Variants in DNAJC6 observed in about 807,000 individuals in gnomAD.
DNAJC6 encodes the protein auxilin.
In DNAJC6, 34 loss-of-function variants were observed where a neutral mutation model predicts 110.0. That is an observed-to-expected ratio of 0.31 (90% CI 0.24 to 0.41). The LOEUF (loss-of-function observed/expected upper bound fraction) is 0.41, where lower values mean the gene tolerates loss of function less well. Ranked by LOEUF, DNAJC6 falls within the 10% of genes least tolerant of loss-of-function variation. DNAJC6 has a pLI of 1.00. For missense variants in DNAJC6, 1,031 were observed against 1,207.8 expected (o/e 0.85, Z 2.17); for synonymous variants, 406 against 437.2 (o/e 0.93, Z 0.89).
chr1:65,374,975 A>AT lies in DNAJC6; in HGVS notation c.544-4414dup, dbSNP rs57352713. Among the ~76,000 whole-genome samples the AT allele has an allele frequency of 1.9e-3, 269 of 143,210 alleles. 2 individuals are homozygous for AT. Among genetic ancestry groups the AT allele is most frequent in the Middle Eastern group, 3.6e-3 (1 of 278 alleles). The allele number at this position is 143,210 out of a possible 152,430, so 94.0% of individuals were successfully genotyped here. On this transcript the variant is annotated intron_variant, in intron 4 of 18. Transcript: ENST00000371069. ...TTCCTTCTGTATCTATTTTCTGAGG[A>AT]TTTTTTTTTTTTTGAGACGGAGTTT...
intron 2 of DNAJC6, among the ~76,000 whole-genome samples, chr1:65,365,013 C>T (rs538070721): frequency 1.4e-4 from 22 of 152,290 alleles, no homozygotes; most frequent in South Asian, 1.2e-3. Flanking sequence ...AATGGTTGCC[C>T]TCCCTGTCTT....
intron 1 of DNAJC6, among the ~76,000 whole-genome samples, chr1:65,327,954 A>C (rs935769357): frequency 6.6e-6 from 1 of 152,184 alleles, no homozygotes; most frequent in Non-Finnish European, 1.5e-5. Flanking sequence ...GGCACAAGCA[A>C]TTCTCCCACC....
intron 1 of DNAJC6, among the ~76,000 whole-genome samples, chr1:65,358,989 AC>A (rs1316738634): frequency 6.6e-6 from 1 of 152,068 alleles, no homozygotes; most frequent in Non-Finnish European, 1.5e-5. Flanking sequence ...CATTATGGAC[AC>A]TCCTTCTCCT....
intron 1 of DNAJC6, among the ~76,000 whole-genome samples, chr1:65,346,627 C>G (rs545924391): frequency 6.6e-6 from 1 of 152,090 alleles, no homozygotes; most frequent in African/African-American, 2.4e-5. Context: ...CCTGCCCCAC[C>G]CTTCCTCATC....
At chr1:65,398,988 T>C (rs1646005551) in intron 14 of DNAJC6, 107 bp downstream of exon 14, 9 of 1,139,982 alleles carry the variant, frequency 7.9e-6, no homozygotes, top group Non-Finnish European at 1.1e-5. Context: ...CTGTGTAATT[T>C]GTGTCACTTT....
At chr1:65,353,463 T>G (rs991866045) in intron 1 of DNAJC6, among the ~76,000 whole-genome samples, 3 of 152,162 alleles carry the variant, frequency 2.0e-5, no homozygotes, top group African/African-American at 7.2e-5. Flanking sequence ...GTTTATTGAG[T>G]AGAATTTGGA....
At chr1:65,276,199 C>G (rs1278223521) in intron 1 of DNAJC6, among the ~76,000 whole-genome samples, 3 of 152,144 alleles carry the variant, frequency 2.0e-5, no homozygotes, top group African/African-American at 7.2e-5. Flanking sequence ...GATTCTTTAC[C>G]AAAAGAGATT....
At chr1:65,307,008 C>CTATATA (rs1489991278), upstream of DNAJC6, among the ~76,000 whole-genome samples, 10 of 93,206 alleles carry the variant, frequency 1.1e-4, no homozygotes, top group Non-Finnish European at 1.4e-4. Flanking sequence ...CTCTCTCTCT[C>CTATATA]TCTCTCTCTC....
intron 1 of DNAJC6, among the ~76,000 whole-genome samples, chr1:65,271,563 G>T (rs186907980): frequency 1.3e-5 from 2 of 152,078 alleles, no homozygotes; most frequent in South Asian, 4.2e-4. Context: ...TTATTCCTGG[G>T]ATGTAGAAAT....
At chr1:65,348,857 A>T (rs549486020) in intron 1 of DNAJC6, among the ~76,000 whole-genome samples, 11 of 149,248 alleles carry the variant, frequency 7.4e-5, no homozygotes, top group Non-Finnish European at 1.6e-4. Flanking sequence ...CTTTGTTAGG[A>T]TTAAGCATAT....
At chr1:65,365,845 G>C (rs759124307) in intron 2 of DNAJC6, 40 bp from the exon 3 acceptor site, 1 of 1,601,716 alleles carries the variant, frequency 6.2e-7, no homozygotes, top group Non-Finnish European at 8.5e-7. Flanking sequence ...TGGCATATTT[G>C]GATCATTTTA....
chr1:65,355,204 A>C (rs1349009063), intron 1 of DNAJC6, among the ~76,000 whole-genome samples: 1 of 148,400 alleles, frequency 6.7e-6, no homozygotes, highest in East Asian at 2.0e-4. Context: ...CGGAGGTTGC[A>C]GTGAGCCAAG....
rs773278954 is a variant in DNAJC6, at chr1:65,415,288, C to G, written c.*2263C>G. 8 of 152,050 alleles carry G rather than the reference C, an allele frequency of 5.3e-5. No individual in the cohort carries two copies. Among genetic ancestry groups the G allele is most frequent in the Admixed American group, 2.0e-4 (3 of 15,272 alleles). 9.4% of individuals were successfully genotyped at this position (152,050 alleles called of 1,614,324 possible). A position where few individuals can be genotyped will look rare whatever the true frequency, so the allele number is the denominator to read the frequency against. On this transcript the variant is annotated 3_prime_UTR_variant, in exon 19 of 19. Coordinates refer to ENST00000371069, the MANE Select transcript of DNAJC6 (RefSeq NM_001256864.2). ...AAGGTTCAAAAATATTTGTATAAATCTAAGTTATTTGGGTACTTGTAGGAA... is the reference window on the plus strand; with the variant it reads ...AAGGTTCAAAAATATTTGTATAAATGTAAGTTATTTGGGTACTTGTAGGAA...
intron 16 of DNAJC6, among the ~76,000 whole-genome samples, chr1:65,406,787 T>A (rs1029499837): frequency 8.5e-5 from 13 of 152,152 alleles, no homozygotes; most frequent in Non-Finnish European, 1.8e-4. Context: ...TAGATTTGAG[T>A]TTATTAAAAG....
At chr1:65,367,904 A>G (rs1312033376) in intron 4 of DNAJC6, among the ~76,000 whole-genome samples, 1 of 150,604 alleles carries the variant, frequency 6.6e-6, no homozygotes, top group Non-Finnish European at 1.5e-5. Flanking sequence ...GATACCTAGA[A>G]CAACAGTTCC....
At chr1:65,311,215 G>GTT (rs71056098) in intron 1 of DNAJC6, among the ~76,000 whole-genome samples, 23,301 of 68,772 alleles carry the variant, frequency 0.34, 8,606 homozygotes, top group Non-Finnish European at 0.4. Context: ...TTTCAGGACT[G>GTT]TTTTTTTTTT....
intron 1 of DNAJC6, among the ~76,000 whole-genome samples, chr1:65,332,671 C>T (rs1459576835): frequency 6.6e-6 from 1 of 152,122 alleles, no homozygotes; most frequent in Non-Finnish European, 1.5e-5. Context: ...AAGTGTTATT[C>T]TCTTTTGCTT....
Position 65,411,305 on chromosome 1 carries a change from T to C in DNAJC6, c.2690T>C (p.Met897Thr). Residue 897 changes from methionine to threonine, a missense_variant, in exon 18 of 19, where the codon ATG becomes ACG. Physicochemically the swap from Met to Thr is moderately conservative, Grantham distance 81 (BLOSUM62 -1). Transcript: ENST00000371069. ...ERNIRALLST[M>T]HTVLWAGETK... ...AATATCAGAGCCCTTCTTTCCACGA[T>C]GCATACCGTACTATGGGCTGGGGAG... is the stretch of plus-strand genomic sequence containing the variant. 1 of 1,614,156 alleles carries C rather than the reference T, an allele frequency of 6.2e-7. No homozygotes were observed. The highest frequency in any genetic ancestry group is 8.5e-7 in the Non-Finnish European group (1 of 1,179,986).
chr1:65,350,808 A>G (rs1451234180), intron 1 of DNAJC6, among the ~76,000 whole-genome samples: 2 of 152,232 alleles, frequency 1.3e-5, no homozygotes, highest in Non-Finnish European at 2.9e-5. Flanking sequence ...ATGCTCAGCA[A>G]GAGCTTTCCA....
Sources: gnomAD v4.1 joint callset for allele counts (sites outside exome capture counted in the v4.1 genomes callset) on GRCh38, gnomAD v4.1.1 for gene constraint, MANE v1.5 for transcripts, NCBI Gene and HGNC (gene_info 2026-07-23, HGNC 2026-07-21) for gene names.